The following GNAQ variants were observed in gnomAD, a reference collection of about 807,000 sequenced individuals.
GNAQ encodes the protein guanine nucleotide-binding protein G(q) subunit alpha.
Under a neutral mutation model 43.9 loss-of-function variants are expected in GNAQ, and 8 were observed. The observed-to-expected ratio is 0.18, with a 90% CI of 0.11 to 0.33. The LOEUF (loss-of-function observed/expected upper bound fraction) is 0.33, where lower values mean the gene tolerates loss of function less well. GNAQ is among the 10% of genes least tolerant of loss of function. GNAQ has a pLI of 1.00. For missense variants in GNAQ, 158 were observed against 450.8 expected (o/e 0.35, Z 5.88); for synonymous variants, 155 against 170.7 (o/e 0.91, Z 0.71).
At position 77,863,867 on chromosome 9, in the gene GNAQ, G is replaced by A. The variant is rs569807633; in HGVS notation, c.322-48097C>T. On this transcript the variant is annotated intron_variant, in intron 2 of 6. Transcript: ENST00000286548. ...TCTCATGAGACTTATTCATGATCAC[G>A]AGAATAGCAAGGGAAAGACCTGCCG... Among the ~76,000 whole-genome samples, 8 of 152,206 alleles carry A rather than the reference G, an allele frequency of 5.3e-5. No individual in the cohort carries two copies. The East Asian group carries it at 9.7e-4, about 18-fold the overall frequency.
chr9:77,863,507 T>C lies in GNAQ; in HGVS notation c.322-47737A>G, dbSNP rs1029779342. On this transcript the variant is annotated intron_variant, in intron 2 of 6. Coordinates refer to ENST00000286548, the MANE Select transcript of GNAQ (RefSeq NM_002072.5). ...GGGAGTTCCAAACTTTCCTACATTTTCCTGTCTAATTCTGGGCCCTCCAAA... is the reference window on the plus strand; with the variant it reads ...GGGAGTTCCAAACTTTCCTACATTTCCCTGTCTAATTCTGGGCCCTCCAAA... Among the ~76,000 whole-genome samples, 13 of 152,258 alleles carry C rather than the reference T, an allele frequency of 8.5e-5. No homozygotes were observed. The South Asian group carries it at 1.0e-3, about 12-fold the overall frequency.
At chr9:77,975,041 C>T (rs575683653) in intron 1 of GNAQ, among the ~76,000 whole-genome samples, 1 of 152,278 alleles carries the variant, frequency 6.6e-6, no homozygotes, top group South Asian at 2.1e-4. Flanking sequence ...CTCAGATGGC[C>T]CTTGGTGCTC....
intron 5 of GNAQ, among the ~76,000 whole-genome samples, chr9:77,765,591 A>G (rs1826122913): frequency 6.6e-6 from 1 of 152,260 alleles, no homozygotes; most frequent in South Asian, 2.1e-4. Flanking sequence ...AACTATTTTT[A>G]AAAGAAAAAC....
chr9:77,864,920 C>T (rs1827922966), intron 2 of GNAQ, among the ~76,000 whole-genome samples: 2 of 152,182 alleles, frequency 1.3e-5, no homozygotes, highest in Non-Finnish European at 2.9e-5. Context: ...CTTCTTTAAA[C>T]CCTACTCTAG....
chr9:77,807,326 T>A (rs1181911722), intron 3 of GNAQ, among the ~76,000 whole-genome samples: 7 of 152,144 alleles, frequency 4.6e-5, no homozygotes, highest in Non-Finnish European at 8.8e-5. Context: ...CTATTAGCCC[T>A]CTTACAAAAG....
At chr9:77,975,091 C>T (rs1454903270) in intron 1 of GNAQ, among the ~76,000 whole-genome samples, 1 of 152,182 alleles carries the variant, frequency 6.6e-6, no homozygotes, top group African/African-American at 2.4e-5. Flanking sequence ...AGCCAAAATA[C>T]AAGTTCCCTA....
At chr9:77,987,102 G>C (rs1336313713) in intron 1 of GNAQ, among the ~76,000 whole-genome samples, 1 of 152,102 alleles carries the variant, frequency 6.6e-6, no homozygotes, top group Non-Finnish European at 1.5e-5. Flanking sequence ...AGGGCCACTT[G>C]TTCTTCCTTT....
At chr9:77,877,574 T>C (rs1251514658) in intron 2 of GNAQ, among the ~76,000 whole-genome samples, 1 of 152,208 alleles carries the variant, frequency 6.6e-6, no homozygotes, top group Non-Finnish European at 1.5e-5. Context: ...CACCAAATTA[T>C]GCTTTTTATT....
chr9:77,980,330 CAGTA>C, intron 1 of GNAQ, among the ~76,000 whole-genome samples: 1 of 152,206 alleles, frequency 6.6e-6, no homozygotes, highest in East Asian at 1.9e-4. Context: ...GAATTAGCCA[CAGTA>C]AGTGAGGACT....
At chr9:77,895,161 G>A (rs13291723) in intron 2 of GNAQ, among the ~76,000 whole-genome samples, 65,385 of 147,360 alleles carry the variant, frequency 0.44, 16,746 homozygotes, top group Non-Finnish European at 0.57. Flanking sequence ...TCACACCACT[G>A]CACTCCAGCC....
chr9:77,995,231 T>C (rs1733219726), intron 1 of GNAQ, among the ~76,000 whole-genome samples: 1 of 152,202 alleles, frequency 6.6e-6, no homozygotes, highest in Non-Finnish European at 1.5e-5. Flanking sequence ...CCTTGCAGCC[T>C]CAAAGATGCT....
At chr9:77,910,724 A>G (rs1828787866) in intron 2 of GNAQ, among the ~76,000 whole-genome samples, 1 of 152,182 alleles carries the variant, frequency 6.6e-6, no homozygotes, top group Non-Finnish European at 1.5e-5. Context: ...AAAGAACATC[A>G]TCTCCATTTA....
intron 2 of GNAQ, among the ~76,000 whole-genome samples, chr9:77,864,597 G>A (rs1009451099): frequency 2.6e-5 from 4 of 152,176 alleles, no homozygotes; most frequent in African/African-American, 7.2e-5. Context: ...ACAAGCCAAG[G>A]AATGCATGTG....
chr9:77,896,354 A>G (rs1828502939), intron 2 of GNAQ, among the ~76,000 whole-genome samples: 1 of 152,156 alleles, frequency 6.6e-6, no homozygotes, highest in Non-Finnish European at 1.5e-5. Flanking sequence ...ACTCCCATAA[A>G]CCTTTCAAAA....
intron 2 of GNAQ, among the ~76,000 whole-genome samples, chr9:77,899,588 GA>G (rs927553159): frequency 5.5e-4 from 83 of 151,590 alleles, no homozygotes; most frequent in African/African-American, 1.8e-3. Flanking sequence ...ACATGACTAG[GA>G]AAAAAAAGGA....
chr9:77,760,254 C>G lies in GNAQ; in HGVS notation c.736-31587G>C, dbSNP rs530994833. ...TCTCCCCACGGTCTCCCTCTGATGC[C>G]GAGCCGAAGCTGGACTGTACTGCTG... On this transcript the variant is annotated intron_variant, in intron 5 of 6. Coordinates refer to ENST00000286548, the MANE Select transcript of GNAQ (RefSeq NM_002072.5). 7.9e-4 allele frequency among the ~76,000 whole-genome samples: 97 copies of G among 122,556 alleles called. No individual in the cohort carries two copies. In the South Asian group the frequency reaches 0.024, roughly 30 times the overall value. 80.4% of individuals were successfully genotyped at this position (122,556 alleles called of 152,430 possible).
At chr9:77,839,659 G>C (rs1171964448) in intron 2 of GNAQ, among the ~76,000 whole-genome samples, 2 of 152,220 alleles carry the variant, frequency 1.3e-5, no homozygotes, top group South Asian at 2.1e-4. Flanking sequence ...CTTGAACGAG[G>C]CTCCAAGAAC....
intron 5 of GNAQ, among the ~76,000 whole-genome samples, chr9:77,777,700 G>A (rs547951305): frequency 1.7e-4 from 26 of 152,026 alleles, no homozygotes; most frequent in Non-Finnish European, 3.2e-4. Flanking sequence ...CCAAAGAAGA[G>A]ATACAAATGC....
intron 5 of GNAQ, among the ~76,000 whole-genome samples, chr9:77,786,126 C>A (rs905818543): frequency 6.6e-6 from 1 of 151,900 alleles, no homozygotes; most frequent in Non-Finnish European, 1.5e-5. Context: ...GCCTGTAATC[C>A]CAGCACTTTG....
Sources: gnomAD v4.1 joint callset for allele counts (sites outside exome capture counted in the v4.1 genomes callset) on GRCh38, gnomAD v4.1.1 for gene constraint, MANE v1.5 for transcripts, NCBI Gene and HGNC (gene_info 2026-07-23, HGNC 2026-07-21) for gene names.